CELF2: variants seen among roughly 807,000 people sequenced by gnomAD.
CELF2 encodes CUGBP Elav-like family member 2, also known as CUG triplet repeat RNA-binding protein 2.
In CELF2, 8 loss-of-function variants were observed where a neutral mutation model predicts 62.6. The ratio of observed to expected loss-of-function variants is 0.13; its 90% CI spans 0.07 to 0.23. The LOEUF is 0.23. Ranked by LOEUF, CELF2 falls within the 10% of genes least tolerant of loss-of-function variation. CELF2 has a pLI of 1.00. For missense variants in CELF2, 333 were observed against 671.0 expected, an observed-to-expected ratio of 0.50 and a Z score of 5.56; for synonymous variants, 258 against 250.0, an observed-to-expected ratio of 1.03 and a Z score of -0.30.
At chr10:10,523,827 A>G in the CELF2 span, among the ~76,000 whole-genome samples, 2 of 152,272 alleles carry the variant, frequency 1.3e-5, no homozygotes, top group African/African-American at 2.4e-5. Context: ...TTGCAGTTGA[A>G]GAGTTACCAA....
chr10:11,015,453 T>C (rs1052414770), upstream of CELF2, among the ~76,000 whole-genome samples: 3 of 152,220 alleles, frequency 2.0e-5, no homozygotes, highest in South Asian at 6.2e-4. The surrounding 1 kb of genome is among the most constrained non-coding windows in gnomAD (Gnocchi z 4.8). Context: ...TTCCCTCTGG[T>C]ATCTACATCA....
At chr10:11,058,191 C>A (rs532875467) in intron 1 of CELF2, among the ~76,000 whole-genome samples, 4 of 152,030 alleles carry the variant, frequency 2.6e-5, no homozygotes, top group East Asian at 1.9e-4. Context: ...AAATACTAAA[C>A]CAGTTTAGCT....
chr10:11,224,938 C>G lies in CELF2; in HGVS notation c.354+7431C>G, dbSNP rs2065986330. On this transcript the variant is annotated intron_variant, in intron 3 of 12. Coordinates refer to ENST00000633077, the MANE Select transcript of CELF2 (RefSeq NM_001326342.2). This position sits in a 1 kb window ranked among gnomAD's most constrained non-coding sequence, Gnocchi z 4.5. ...GCCAGGATCAGAGGGAGTCAGGGCT[C>G]TGCCGGATATGGTCTGGTTTGTGCA... Among the ~76,000 whole-genome samples, 1 of 152,130 alleles carries G rather than the reference C, an allele frequency of 6.6e-6. No individual in the cohort carries two copies. The highest frequency in any genetic ancestry group is 1.5e-5 in the Non-Finnish European group (1 of 68,030).
chr10:10,717,151 C>A, the CELF2 span, among the ~76,000 whole-genome samples: 1 of 151,908 alleles, frequency 6.6e-6, no homozygotes, highest in African/African-American at 2.4e-5. Flanking sequence ...AGAAACACAG[C>A]GGGATAAAAA....
the CELF2 span, among the ~76,000 whole-genome samples, chr10:10,581,219 A>G: frequency 0.32 from 48,045 of 152,060 alleles, 7,989 homozygotes; most frequent in East Asian, 0.6. Context: ...TATTCATTCA[A>G]TTTGCTACTA....
the CELF2 span, among the ~76,000 whole-genome samples, chr10:10,753,035 G>A: frequency 6.6e-6 from 1 of 152,072 alleles, no homozygotes; most frequent in African/African-American, 2.4e-5. Flanking sequence ...TAAAATCTAC[G>A]TTGTGGGTTG....
intron 2 of CELF2, among the ~76,000 whole-genome samples, chr10:10,988,741 C>A (rs1403446651): frequency 6.6e-6 from 1 of 152,026 alleles, no homozygotes; most frequent in Non-Finnish European, 1.5e-5. Context: ...TACAGAGGAA[C>A]TTTTAAAATT....
At chr10:10,935,885 A>T (rs1326527053) in intron 2 of CELF2, among the ~76,000 whole-genome samples, 1 of 151,934 alleles carries the variant, frequency 6.6e-6, no homozygotes, top group African/African-American at 2.4e-5. Context: ...AAATTCTTGG[A>T]TCACGCCTGA....
At chr10:10,465,062 T>A in the CELF2 span, among the ~76,000 whole-genome samples, 1 of 152,142 alleles carries the variant, frequency 6.6e-6, no homozygotes, top group Non-Finnish European at 1.5e-5. Context: ...AGAAAATACC[T>A]TCTGACGAGA....
intron 1 of CELF2, among the ~76,000 whole-genome samples, chr10:11,067,130 T>C (rs1393333605): frequency 1.3e-5 from 2 of 152,244 alleles, no homozygotes; most frequent in Admixed American, 6.5e-5. Flanking sequence ...CTCATGATTT[T>C]GCTGTTGGAT....
chr10:10,860,750 G>A (rs1407116202), intron 1 of CELF2, among the ~76,000 whole-genome samples: 2 of 152,162 alleles, frequency 1.3e-5, no homozygotes, highest in South Asian at 2.1e-4. Flanking sequence ...AGGAAGTGAC[G>A]TACAGAGACA....
At chr10:11,025,239 G>GTGTGTGTA (rs61580670) in intron 1 of CELF2, among the ~76,000 whole-genome samples, 2,819 of 141,078 alleles carry the variant, frequency 0.02, 53 homozygotes, top group Non-Finnish European at 0.033. Flanking sequence ...GTGTGTGTGT[G>GTGTGTGTA]TATATGTATG....
the CELF2 span, among the ~76,000 whole-genome samples, chr10:10,504,612 T>A: frequency 6.6e-6 from 1 of 152,126 alleles, no homozygotes; most frequent in Non-Finnish European, 1.5e-5. Flanking sequence ...CTTTGAGTAC[T>A]TTTTTACCAC....
the CELF2 span, among the ~76,000 whole-genome samples, chr10:10,698,276 A>T: frequency 2.6e-5 from 4 of 152,146 alleles, no homozygotes; most frequent in African/African-American, 9.7e-5. Flanking sequence ...GATTAATAGC[A>T]CTCAGATTGG....
intron 3 of CELF2, among the ~76,000 whole-genome samples, chr10:11,236,801 CG>C (rs2071502135): frequency 3.9e-5 from 6 of 152,120 alleles, no homozygotes; most frequent in Admixed American, 1.3e-4. Context: ...AAAGGAAATA[CG>C]TGTGTACGTG....
the CELF2 span, among the ~76,000 whole-genome samples, chr10:10,695,457 A>G: frequency 1.3e-5 from 2 of 149,518 alleles, no homozygotes; most frequent in Non-Finnish European, 3.0e-5. Context: ...CTTCATTTCA[A>G]CTTTGGTGAA....
At chr10:10,887,980 C>G (rs1591566394) in intron 1 of CELF2, among the ~76,000 whole-genome samples, 1 of 152,214 alleles carries the variant, frequency 6.6e-6, no homozygotes. Context: ...ACCATGTTGG[C>G]CAGGCTGGTC....
At chr10:10,698,879 T>G in the CELF2 span, among the ~76,000 whole-genome samples, 1 of 152,174 alleles carries the variant, frequency 6.6e-6, no homozygotes, top group Non-Finnish European at 1.5e-5. Context: ...ATTATAAAAT[T>G]CAGTAATGAA....
chr10:10,644,122 C>T, the CELF2 span, among the ~76,000 whole-genome samples: 67,699 of 151,980 alleles, frequency 0.45, 15,547 homozygotes, highest in South Asian at 0.71. Flanking sequence ...GAGGCTGCAA[C>T]TGAAGCTTTC....
Sources: allele counts gnomAD v4.1 joint callset (sites outside exome capture counted in the v4.1 genomes callset), GRCh38; gene constraint gnomAD v4.1.1; non-coding constraint Gnocchi (gnomAD v3.1); transcripts MANE v1.5; gene names NCBI Gene and HGNC (gene_info 2026-07-23, HGNC 2026-07-21).